The following MALT1 variants were observed in gnomAD, a reference collection of about 807,000 sequenced individuals.
The protein encoded by MALT1 is mucosa-associated lymphoid tissue lymphoma translocation protein 1.
MALT1 carries 36 observed loss-of-function variants against 85.5 expected under a neutral mutation model. The observed-to-expected ratio is 0.42, with a 90% CI of 0.32 to 0.56. The LOEUF (loss-of-function observed/expected upper bound fraction) is 0.56. Among genes scored for constraint, MALT1 ranks in the 20% least tolerant of loss-of-function variants. The pLI, the probability that MALT1 is intolerant of heterozygous loss-of-function variation, is 0.10. For missense variants in MALT1, 716 were observed against 981.6 expected (o/e 0.73, Z 3.62); for synonymous variants, 359 against 361.3 (o/e 0.99, Z 0.07).
chr18:58,709,507 G>A lies in MALT1; in HGVS notation c.779G>A (p.Trp260Ter). 6.2e-7 allele frequency: 1 copy of A among 1,612,210 alleles called. No individual in the cohort carries two copies. Among genetic ancestry groups the A allele is most frequent in the Non-Finnish European group, 8.5e-7 (1 of 1,179,314 alleles). ...GGAAGCCCTATTCCTCACTACCAGTGGTTCAAAAATGAATTACCATTAACA... is the reference window on the plus strand; with the variant it reads ...GGAAGCCCTATTCCTCACTACCAGTAGTTCAAAAATGAATTACCATTAACA... Reference protein sequence around the residue: ...AVGSPIPHYQWFKNELPLTHE... With the variant: ...AVGSPIPHYQ Residue 260 changes from tryptophan (W) to a stop codon, truncating the protein, a stop_gained, in exon 5 of 17, where the codon TGG (tryptophan) becomes TAG (stop). Coordinates refer to ENST00000649217, the MANE Select transcript of MALT1 (RefSeq NM_006785.4). LOFTEE classifies it high-confidence loss of function.
chr18:58,748,594 A>C lies in MALT1; in HGVS notation c.*752A>C, dbSNP rs2055405543. 5.3e-6 allele frequency: 1 copy of C among 189,138 alleles called. No individual in the cohort carries two copies. Among genetic ancestry groups the C allele is most frequent in the African/African-American group, 2.3e-5 (1 of 43,010 alleles). 11.7% of individuals were successfully genotyped at this position (189,138 alleles called of 1,614,324 possible). On this transcript the variant is annotated 3_prime_UTR_variant, in exon 17 of 17. Transcript: ENST00000649217. ...TTGTTAAAGCTAGATAGAGGTTAAG[A>C]ATCAAGATATAATGGATAATTTTCA...
At chr18:58,719,599 C>T (rs917931976) in intron 9 of MALT1, among the ~76,000 whole-genome samples, 2 of 152,160 alleles carry the variant, frequency 1.3e-5, no homozygotes, top group Non-Finnish European at 2.9e-5. Flanking sequence ...CAAAGAAAGT[C>T]GTGATACAGC....
At chr18:58,718,117 TGTAA>T (rs982791734) in intron 9 of MALT1, among the ~76,000 whole-genome samples, 1 of 152,198 alleles carries the variant, frequency 6.6e-6, no homozygotes, top group Non-Finnish European at 1.5e-5. Flanking sequence ...AATTTAAAAC[TGTAA>T]GTGTTTAATA....
At chr18:58,717,675 G>A (rs1189776302) in intron 9 of MALT1, among the ~76,000 whole-genome samples, 1 of 151,036 alleles carries the variant, frequency 6.6e-6, no homozygotes, top group Non-Finnish European at 1.5e-5. Context: ...GAACCCAGGA[G>A]GCGGAGGTTG....
At chr18:58,725,153 A>G (rs993059206) in intron 10 of MALT1, among the ~76,000 whole-genome samples, 1 of 151,616 alleles carries the variant, frequency 6.6e-6, no homozygotes, top group Non-Finnish European at 1.5e-5. Flanking sequence ...ATAGAATAAA[A>G]TAAAATAAAA....
intron 1 of MALT1, chr18:58,677,706 A>AT (rs1469765674): frequency 6.6e-6 from 1 of 152,178 alleles, no homozygotes; most frequent in Non-Finnish European, 1.5e-5. Context: ...TATTTTTATC[A>AT]TTTTACCTTG....
chr18:58,711,030 T>C (rs2054824571), intron 7 of MALT1, 77 bp downstream of exon 7: 2 of 969,490 alleles, frequency 2.1e-6, no homozygotes, highest in Non-Finnish European at 3.1e-6. Flanking sequence ...GCTTTTAGCC[T>C]ACTGAGTGCA....
intron 2 of MALT1, among the ~76,000 whole-genome samples, chr18:58,689,066 G>A (rs1052999220): frequency 6.6e-6 from 1 of 152,022 alleles, no homozygotes; most frequent in African/African-American, 2.4e-5. Context: ...GTGGGAGGAT[G>A]GCTTCAGCCC....
rs540521830 is a variant in MALT1, at chr18:58,753,481, A to C, written c.*5639A>C. 2.0e-5 allele frequency: 3 copies of C among 152,430 alleles called. No individual in the cohort carries two copies. Among genetic ancestry groups the C allele is most frequent in the East Asian group, 1.9e-4 (1 of 5,192 alleles). 9.4% of individuals were successfully genotyped at this position (152,430 alleles called of 1,614,324 possible). On this transcript the variant is annotated 3_prime_UTR_variant, in exon 17 of 17. Coordinates refer to ENST00000649217, the MANE Select transcript of MALT1 (RefSeq NM_006785.4). ...CTCGGCCTCCCAAAGTGCTGGGATT[A>C]CAGGCGTGAGTCACCATGCCCGGCC...
chr18:58,722,039 C>T (rs1455566034), intron 9 of MALT1, among the ~76,000 whole-genome samples: 3 of 152,116 alleles, frequency 2.0e-5, no homozygotes, highest in Non-Finnish European at 4.4e-5. Context: ...CACTGTCAGC[C>T]CTCAAGAAGA....
At chr18:58,732,740 G>A (rs1452265075) in intron 10 of MALT1, among the ~76,000 whole-genome samples, 1 of 129,574 alleles carries the variant, frequency 7.7e-6, no homozygotes, top group Non-Finnish European at 1.6e-5. Context: ...AGACAAATGA[G>A]TCAGGAGAGA....
chr18:58,692,445 C>CTCTCTCTCTCTCT (rs1568129469), intron 2 of MALT1, among the ~76,000 whole-genome samples: 450 of 28,398 alleles, frequency 0.016, 11 homozygotes, highest in Middle Eastern at 0.054. Flanking sequence ...TCACTCTCTC[C>CTCTCTCTCTCTCT]CTCCCTCCCT....
rs181371821 is a variant in MALT1, at chr18:58,751,492, C to A, written c.*3650C>A. 168 of 151,988 alleles carry A rather than the reference C, an allele frequency of 1.1e-3. 1 individual carries two copies. Among genetic ancestry groups the A allele is most frequent in the African/African-American group, 3.7e-3 (152 of 41,468 alleles). 9.4% of individuals were successfully genotyped at this position (151,988 alleles called of 1,614,324 possible). A position where few individuals can be genotyped will look rare whatever the true frequency, so the allele number is the denominator to read the frequency against. Reference sequence around the variant, plus strand: ...ACTGCAGCATCCGTGGAGGCTGAAACAGGAGAATCGCATGAATTTTTTAAA... The same window carrying A: ...ACTGCAGCATCCGTGGAGGCTGAAAAAGGAGAATCGCATGAATTTTTTAAA... On this transcript the variant is annotated 3_prime_UTR_variant, in exon 17 of 17. Coordinates refer to ENST00000649217, the MANE Select transcript of MALT1 (RefSeq NM_006785.4).
Position 58,709,424 on chromosome 18 carries a change from A to G in MALT1, c.696A>G (p.Glu232=), listed in dbSNP as rs1320824573. 3.1e-6 allele frequency: 5 copies of G among 1,611,082 alleles called. No homozygotes were observed. In the African/African-American group the frequency reaches 6.7e-5, roughly 22 times the overall value. The change falls in exon 5 of 17, where the codon GAA becomes GAG. Residue 232 remains glutamate (E), a synonymous_variant. Coordinates refer to ENST00000649217, the MANE Select transcript of MALT1 (RefSeq NM_006785.4). ...AATCCAAGTTGCAAATCTGTGTTGA[A>G]CCAACTTCCCAAAAGCTGATGCCAG... ...VSESKLQICV[E]PTSQKLMPGS... is the part of the protein sequence containing the mutation.
At position 58,709,366 on chromosome 18, in the gene MALT1, T is replaced by C. The variant is rs1303682745; in HGVS notation, c.650-12T>C. 4.6e-6 allele frequency: 7 copies of C among 1,525,908 alleles called. No homozygotes were observed. Among genetic ancestry groups the C allele is most frequent in the Non-Finnish European group, 6.2e-6 (7 of 1,134,328 alleles). The allele number at this position is 1,525,908 out of a possible 1,614,324, so 94.5% of individuals were successfully genotyped here. A position where few individuals can be genotyped will look rare whatever the true frequency, so the allele number is the denominator to read the frequency against. On this transcript the variant is annotated splice_polypyrimidine_tract_variant and intron_variant, in intron 4 of 16. Coordinates refer to ENST00000649217, the MANE Select transcript of MALT1 (RefSeq NM_006785.4). ...TTTAACCTAGAGATTTTATTTTTTC[T>C]TTTAATTTAAGGAAGTGTTGATGGC... is the stretch of plus-strand genomic sequence containing the variant.
chr18:58,681,124 CAT>C, intron 1 of MALT1, 44 bp from the exon 2 acceptor site: 1 of 1,580,072 alleles, frequency 6.3e-7, no homozygotes, highest in Non-Finnish European at 8.7e-7. Flanking sequence ...GCAGGTGTAT[CAT>C]GTGGAAGAAA....
intron 1 of MALT1, chr18:58,672,116 C>T (rs966234450): frequency 1.0e-4 from 32 of 321,212 alleles, no homozygotes; most frequent in Admixed American, 4.5e-4. Context: ...CCCACCCCCG[C>T]CCCTGGTGAA....
At chr18:58,672,286 A>C (rs1206589836) in intron 1 of MALT1, 1 of 158,076 alleles carries the variant, frequency 6.3e-6, no homozygotes, top group African/African-American at 2.4e-5. Context: ...AGCGCAGGCG[A>C]GGTGATGAAT....
chr18:58,673,292 T>C (rs2054193607), intron 1 of MALT1, among the ~76,000 whole-genome samples: 1 of 152,244 alleles, frequency 6.6e-6, no homozygotes, highest in South Asian at 2.1e-4. Context: ...AGGAATGGAC[T>C]ATTATTTGGG....
Sources: allele counts gnomAD v4.1 joint callset (sites outside exome capture counted in the v4.1 genomes callset), GRCh38; gene constraint gnomAD v4.1.1; transcripts MANE v1.5; gene names NCBI Gene and HGNC (gene_info 2026-07-23, HGNC 2026-07-21).